The following KANSL1L variants were observed in gnomAD, a reference collection of about 807,000 sequenced individuals.
KANSL1L encodes KAT8 regulatory NSL complex subunit 1 like.
In KANSL1L, 25 loss-of-function variants were observed where a neutral mutation model predicts 108.6. The ratio of observed to expected loss-of-function variants is 0.23; its 90% CI spans 0.17 to 0.32. KANSL1L has a LOEUF of 0.32. KANSL1L is among the 10% of genes least tolerant of loss of function. The pLI, the probability that KANSL1L is intolerant of heterozygous loss-of-function variation, is 1.00. For synonymous variants in KANSL1L, 405 were observed against 395.1 expected, an observed-to-expected ratio of 1.03 and a Z score of -0.30; for missense variants, 1,137 against 1,125.7, an observed-to-expected ratio of 1.01 and a Z score of -0.14.
Position 210,022,624 on chromosome 2 carries a change from G to A in KANSL1L, c.*325C>T, listed in dbSNP as rs2093876586. 2 of 262,656 alleles carry A rather than the reference G, an allele frequency of 7.6e-6. No homozygotes were observed. The highest frequency in any genetic ancestry group is 4.8e-5 in the South Asian group (1 of 20,672). The allele number at this position is 262,656 out of a possible 1,614,324, so 16.3% of individuals were successfully genotyped here. A position where few individuals can be genotyped will look rare whatever the true frequency, so the allele number is the denominator to read the frequency against. ...TTTGTATGTATGTGTATATATATAT[G>A]TATGTATGTATGGTGTGGGTACATA... On this transcript the variant is annotated 3_prime_UTR_variant, in exon 15 of 15. Transcript: ENST00000281772.
At chr2:210,096,547 T>C in intron 5 of KANSL1L, 3 of 984,816 alleles carry the variant, frequency 3.0e-6, no homozygotes, top group Non-Finnish European at 3.6e-6. Context: ...TGTGTAACTG[T>C]GTAGTACTTG....
chr2:210,136,248 A>G (rs932898326), intron 2 of KANSL1L, among the ~76,000 whole-genome samples: 1 of 152,092 alleles, frequency 6.6e-6, no homozygotes, highest in African/African-American at 2.4e-5. Flanking sequence ...TGGGATGGGC[A>G]AATTTAGTCT....
chr2:210,029,965 TATC>T (rs2093992092), intron 9 of KANSL1L, 47 bp from the exon 10 acceptor site: 1 of 892,284 alleles, frequency 1.1e-6, no homozygotes, highest in African/African-American at 1.7e-5. Context: ...ACAAGTCTAA[TATC>T]ATTAGAATTA....
intron 4 of KANSL1L, among the ~76,000 whole-genome samples, chr2:210,103,628 G>T (rs1247356282): frequency 6.6e-6 from 1 of 152,070 alleles, no homozygotes; most frequent in African/African-American, 2.4e-5. Flanking sequence ...ACCAAGGAAG[G>T]CTTTGGAATC....
rs746420389 is a variant in KANSL1L, at chr2:210,098,118, G to A, written c.1518C>T (p.Ser506=). 1.2e-6 allele frequency: 2 copies of A among 1,610,250 alleles called. No homozygotes were observed. The highest frequency in any genetic ancestry group is 1.1e-5 in the South Asian group (1 of 90,522). The change falls in exon 5 of 15, where the codon AGC becomes AGT. Residue 506 remains serine, a synonymous_variant. Transcript: ENST00000281772. Reference sequence around the variant, plus strand: ...AAATGCCATTAGCCAGACATTTATGGCTACAGGATTTGGAAGAGAGGGGTG... The same window carrying A: ...AAATGCCATTAGCCAGACATTTATGACTACAGGATTTGGAAGAGAGGGGTG... The part of the protein sequence containing the change: ...TSSPLSSKSC[S]HKCLANGIYR...
rs184581297 is a variant in KANSL1L at position 210,151,892 on chromosome 2, T to A, written c.1088+1603A>T. On this transcript the variant is annotated intron_variant, in intron 2 of 14. Transcript: ENST00000281772. Reference sequence around the variant, plus strand: ...TTATTTCTCACTATAAAAACTAATATACTGATCTTCTATTTCATAGTAAAT... The same window carrying A: ...TTATTTCTCACTATAAAAACTAATAAACTGATCTTCTATTTCATAGTAAAT... 7 of 152,370 alleles carry A rather than the reference T, an allele frequency of 4.6e-5. No homozygotes were observed. In the East Asian group the frequency reaches 1.3e-3, roughly 29 times the overall value. The allele number at this position is 152,370 out of a possible 1,614,324, so 9.4% of individuals were successfully genotyped here. A position where few individuals can be genotyped will look rare whatever the true frequency, so the allele number is the denominator to read the frequency against.
chr2:210,110,607 T>G (rs1216729997), intron 3 of KANSL1L, among the ~76,000 whole-genome samples: 3 of 152,130 alleles, frequency 2.0e-5, no homozygotes, highest in Non-Finnish European at 2.9e-5. Flanking sequence ...CAGTAAAGAA[T>G]TCCTTGTGGT....
At chr2:210,076,267 C>T (rs929331652) in intron 5 of KANSL1L, among the ~76,000 whole-genome samples, 2 of 151,956 alleles carry the variant, frequency 1.3e-5, no homozygotes, top group African/African-American at 2.4e-5. Flanking sequence ...CTGCAACCAT[C>T]GTCTCCTGGT....
intron 2 of KANSL1L, among the ~76,000 whole-genome samples, chr2:210,133,980 C>G (rs1005319570): frequency 9.2e-5 from 14 of 152,084 alleles, no homozygotes; most frequent in African/African-American, 2.9e-4. Flanking sequence ...CAACTTCTCT[C>G]TATTTTTGCT....
intron 5 of KANSL1L, among the ~76,000 whole-genome samples, chr2:210,082,274 A>T (rs1006874469): frequency 6.6e-6 from 1 of 152,252 alleles, no homozygotes; most frequent in Middle Eastern, 3.2e-3. Flanking sequence ...GAAAGATTAC[A>T]ACATGATAGA....
chr2:210,099,189 T>C (rs987475345), intron 4 of KANSL1L, among the ~76,000 whole-genome samples: 7 of 152,150 alleles, frequency 4.6e-5, no homozygotes, highest in Admixed American at 1.3e-4. Context: ...TGAACACATA[T>C]ACTTTTAATT....
rs137959501 is a variant in KANSL1L, at chr2:210,129,163, A to G, written c.1098T>C (p.Ser366=). 1 of 1,611,626 alleles carries G rather than the reference A, an allele frequency of 6.2e-7. No individual in the cohort carries two copies. Among genetic ancestry groups the G allele is most frequent in the Admixed American group, 1.7e-5 (1 of 59,514 alleles). Reference sequence around the variant, plus strand: ...TGTCTACAAGCCACTTCCATTCAGTACTACAGTTACTGTGAACAAAACAAA... The same window carrying G: ...TGTCTACAAGCCACTTCCATTCAGTGCTACAGTTACTGTGAACAAAACAAA... The part of the protein sequence containing the change: ...TLRKNVAVNC[S]TEWKWLVDRA... Residue 366 remains serine (S), a synonymous_variant, in exon 3 of 15, where the codon AGT becomes AGC. Transcript: ENST00000281772.
At chr2:210,041,125 G>A (rs2094159429) in intron 7 of KANSL1L, among the ~76,000 whole-genome samples, 1 of 152,088 alleles carries the variant, frequency 6.6e-6, no homozygotes, top group Admixed American at 6.5e-5. Flanking sequence ...AGCTAGTTTT[G>A]TTTTTAAATA....
In KANSL1L at chr2:210,079,642, A is replaced by ATG. The variant is rs1247375426; in HGVS notation, c.1551-3887_1551-3886insCA. Reference sequence around the variant, plus strand: ...TATATATATATATATATATATATATATATATATATATATATATATATATGT... The same window carrying ATG: ...TATATATATATATATATATATATATATGTATATATATATATATATATATATGT... On this transcript the variant is annotated intron_variant, in intron 5 of 14. Coordinates refer to ENST00000281772, the MANE Select transcript of KANSL1L (RefSeq NM_152519.4). Among the ~76,000 whole-genome samples, 27 of 6,482 alleles carry ATG rather than the reference A, an allele frequency of 4.2e-3. 1 individual carries two copies. Among genetic ancestry groups the ATG allele is most frequent in the South Asian group, 0.019 (1 of 52 alleles). 4.3% of individuals were successfully genotyped at this position (6,482 alleles called of 152,430 possible). A position where few individuals can be genotyped will look rare whatever the true frequency, so the allele number is the denominator to read the frequency against.
At chr2:210,046,169 A>G (rs898697757) in intron 6 of KANSL1L, among the ~76,000 whole-genome samples, 2 of 152,170 alleles carry the variant, frequency 1.3e-5, no homozygotes, top group African/African-American at 4.8e-5. Flanking sequence ...CAAAGGCCCT[A>G]TCCAAATAAC....
rs909813794 is a variant in KANSL1L at position 210,058,674 on chromosome 2, A to G, written c.1756-14570T>C. ...TGGTGAAACCCCGTCTCTACTAAAA[A>G]TATTTTTAAAAAATTAGCCGGGCGT... On this transcript the variant is annotated intron_variant, in intron 6 of 14. Coordinates refer to ENST00000281772, the MANE Select transcript of KANSL1L (RefSeq NM_152519.4). Among the ~76,000 whole-genome samples the G allele has an allele frequency of 7.2e-5, 11 of 152,192 alleles. No homozygotes were observed. In the South Asian group the frequency reaches 2.3e-3, roughly 32 times the overall value.
chr2:210,070,837 T>C (rs2125312351), intron 6 of KANSL1L, among the ~76,000 whole-genome samples: 1 of 152,304 alleles, frequency 6.6e-6, no homozygotes, highest in East Asian at 1.9e-4. Context: ...ATGTAATATG[T>C]ATTTTACCAC....
At chr2:210,109,082 T>G (rs2094879489) in intron 3 of KANSL1L, among the ~76,000 whole-genome samples, 1 of 152,196 alleles carries the variant, frequency 6.6e-6, no homozygotes, top group Non-Finnish European at 1.5e-5. Flanking sequence ...AAAGTCATAC[T>G]GAGATGTCAC....
chr2:210,080,184 T>C (rs2094578957), intron 5 of KANSL1L: 1 of 150,612 alleles, frequency 6.6e-6, no homozygotes, highest in African/African-American at 2.4e-5. Context: ...CTGCTTAAAA[T>C]CTTCCAACAT....
Sources: allele counts gnomAD v4.1 joint callset (sites outside exome capture counted in the v4.1 genomes callset), GRCh38; gene constraint gnomAD v4.1.1; transcripts MANE v1.5; gene names NCBI Gene and HGNC (gene_info 2026-07-23, HGNC 2026-07-21).